The following DLGAP1 variants were observed in gnomAD, a reference collection of about 807,000 sequenced individuals.
DLGAP1 encodes DLG associated protein 1, also known as disks large-associated protein 1.
In DLGAP1, 11 loss-of-function variants were observed where a neutral mutation model predicts 90.8. The observed-to-expected ratio is 0.12, with a 90% CI of 0.08 to 0.20. DLGAP1 has a LOEUF of 0.20. DLGAP1 is among the 10% of genes least tolerant of loss of function. The pLI, the probability that DLGAP1 is intolerant of heterozygous loss-of-function variation, is 1.00. For missense variants in DLGAP1, 1,050 were observed against 1,333.8 expected (o/e 0.79, Z 3.31); for synonymous variants, 558 against 540.7 (o/e 1.03, Z -0.44).
intron 7 of DLGAP1, among the ~76,000 whole-genome samples, chr18:3,675,556 G>T (rs1246417003): frequency 6.6e-6 from 1 of 152,174 alleles, no homozygotes; most frequent in African/African-American, 2.4e-5. Flanking sequence ...AAGATCTGTT[G>T]CTAATAAGCT....
At chr18:4,399,578 A>G (rs2082509275) in intron 1 of DLGAP1, among the ~76,000 whole-genome samples, 1 of 152,214 alleles carries the variant, frequency 6.6e-6, no homozygotes, top group Admixed American at 6.5e-5. Flanking sequence ...GTCTTAGGAT[A>G]CCTTTTTCTC....
At chr18:4,132,895 TTAA>T (rs2076339090) in intron 2 of DLGAP1, among the ~76,000 whole-genome samples, 1 of 152,192 alleles carries the variant, frequency 6.6e-6, no homozygotes, top group African/African-American at 2.4e-5. Context: ...GTAAAGGTAA[TTAA>T]ATGTACTTGT....
chr18:3,860,151 G>A (rs1454552721), intron 4 of DLGAP1, among the ~76,000 whole-genome samples: 1 of 149,170 alleles, frequency 6.7e-6, no homozygotes, highest in African/African-American at 2.5e-5. Flanking sequence ...TAAATTGGGG[G>A]CATTTTGTTA....
chr18:4,201,744 C>T (rs1424315809), intron 1 of DLGAP1, among the ~76,000 whole-genome samples: 1 of 152,062 alleles, frequency 6.6e-6, no homozygotes, highest in African/African-American at 2.4e-5. Context: ...CACTAACCAT[C>T]AGGAAAATCC....
At chr18:4,163,408 A>G (rs1162173092) in intron 1 of DLGAP1, among the ~76,000 whole-genome samples, 2 of 152,336 alleles carry the variant, frequency 1.3e-5, no homozygotes, top group African/African-American at 4.8e-5. Flanking sequence ...AGTGCCTTAG[A>G]CGGCCCAGTG....
chr18:3,729,124 C>A lies in DLGAP1; in HGVS notation c.1591+11G>T. 6.3e-7 allele frequency: 1 copy of A among 1,596,782 alleles called. No homozygotes were observed. On this transcript the variant is annotated intron_variant, in intron 7 of 12. Coordinates refer to ENST00000315677, the MANE Select transcript of DLGAP1 (RefSeq NM_004746.4). This position sits in a 1 kb window ranked among gnomAD's most constrained non-coding sequence, Gnocchi z 6.2. ...ACAGGGGCCAGGCTGGCTGAGGGCC[C>A]GCGCACTCACCCGTGCTGCTCTGGA...
chr18:3,702,821 G>T (rs1475659624), intron 7 of DLGAP1, among the ~76,000 whole-genome samples: 1 of 152,162 alleles, frequency 6.6e-6, no homozygotes, highest in Non-Finnish European at 1.5e-5. Flanking sequence ...TGAGGAGAAT[G>T]ACAGGCTCGC....
intron 1 of DLGAP1, among the ~76,000 whole-genome samples, chr18:4,423,329 A>G (rs2083082776): frequency 6.6e-6 from 1 of 152,204 alleles, no homozygotes; most frequent in Non-Finnish European, 1.5e-5. Context: ...ATCTGCATTA[A>G]TATTAAGGTG....
At chr18:3,816,314 G>C (rs751951804) in intron 4 of DLGAP1, among the ~76,000 whole-genome samples, 1 of 152,160 alleles carries the variant, frequency 6.6e-6, no homozygotes, top group Non-Finnish European at 1.5e-5. Context: ...AAAGTGTTAA[G>C]AAAATTGTCC....
chr18:4,143,147 T>C (rs1230968769), intron 2 of DLGAP1, among the ~76,000 whole-genome samples: 1 of 151,902 alleles, frequency 6.6e-6, no homozygotes. Context: ...CTCAAGGCCC[T>C]AGGGCTCTAC....
intron 1 of DLGAP1, among the ~76,000 whole-genome samples, chr18:4,211,379 G>A (rs2077837186): frequency 6.6e-6 from 1 of 152,168 alleles, no homozygotes; most frequent in Non-Finnish European, 1.5e-5. Flanking sequence ...GGCTGAATAT[G>A]TATGAACTCT....
intron 2 of DLGAP1, among the ~76,000 whole-genome samples, chr18:4,093,909 C>G: frequency 6.6e-6 from 1 of 152,126 alleles, no homozygotes; most frequent in East Asian, 1.9e-4. Flanking sequence ...TGCTAATGTT[C>G]CCAGACTTTT....
intron 5 of DLGAP1, among the ~76,000 whole-genome samples, chr18:3,778,370 G>A (rs879297696): frequency 6.6e-6 from 1 of 152,100 alleles, no homozygotes; most frequent in Admixed American, 6.5e-5. Flanking sequence ...GAACCCAGGA[G>A]GCGGAGGTTG....
At chr18:4,327,145 C>A (rs1047327301) in intron 1 of DLGAP1, among the ~76,000 whole-genome samples, 5 of 152,020 alleles carry the variant, frequency 3.3e-5, no homozygotes, top group Admixed American at 2.0e-4. Flanking sequence ...AGATGTACTG[C>A]ACAGCATGTT....
In DLGAP1 at chr18:4,132,024, C is replaced by CT. The variant is rs371804578; in HGVS notation, c.-159+19155dup. Among the ~76,000 whole-genome samples the CT allele has an allele frequency of 1.7e-3, 259 of 149,750 alleles. 3 individuals are homozygous for CT. Among genetic ancestry groups the CT allele is most frequent in the Middle Eastern group, 6.8e-3 (2 of 292 alleles). ...AAGCGGTTGAAATGGTGTTTTATGACTTTTTTTTTTCCTGGCTTAACATTT... is the reference window on the plus strand; with the variant it reads ...AAGCGGTTGAAATGGTGTTTTATGACTTTTTTTTTTTCCTGGCTTAACATTT... On this transcript the variant is annotated intron_variant, in intron 2 of 12. Transcript: ENST00000315677.
chr18:3,653,429 TAATC>T lies in DLGAP1; in HGVS notation c.1592-71185_1592-71182del, dbSNP rs1389119620. 1 of 152,220 alleles carries T rather than the reference TAATC, an allele frequency of 6.6e-6. No individual in the cohort carries two copies. Among genetic ancestry groups the T allele is most frequent in the Non-Finnish European group, 1.5e-5 (1 of 68,032 alleles). The allele number at this position is 152,220 out of a possible 1,614,324, so 9.4% of individuals were successfully genotyped here. ...TCACTTATTTTTCCTCATTGCAAAA[TAATC>T]AAAGCATTGATGAGTGTTTCTGTTT... On this transcript the variant is annotated intron_variant, in intron 7 of 12. Coordinates refer to ENST00000315677, the MANE Select transcript of DLGAP1 (RefSeq NM_004746.4). The surrounding 1 kb of genome is among the most constrained non-coding windows in gnomAD (Gnocchi z 4.6).
intron 5 of DLGAP1, among the ~76,000 whole-genome samples, chr18:3,745,565 C>T (rs112685501): frequency 0.015 from 2,319 of 151,860 alleles, 40 homozygotes; most frequent in East Asian, 0.06. Flanking sequence ...AGAATCCACA[C>T]GAAAATTAAA....
intron 9 of DLGAP1, among the ~76,000 whole-genome samples, chr18:3,548,445 G>A (rs1192577500): frequency 6.7e-6 from 1 of 150,008 alleles, no homozygotes; most frequent in African/African-American, 2.5e-5. Flanking sequence ...TAAATAAAAA[G>A]GCATCTATAA....
intron 4 of DLGAP1, chr18:3,874,294 G>A (rs755617521): frequency 3.9e-6 from 6 of 1,545,550 alleles, no homozygotes; most frequent in Middle Eastern, 1.7e-4. Flanking sequence ...TCTCTCTCTC[G>A]CTCCCTCTGT....
Sources: gnomAD v4.1 joint callset for allele counts (sites outside exome capture counted in the v4.1 genomes callset) on GRCh38, gnomAD v4.1.1 for gene constraint, Gnocchi (gnomAD v3.1) non-coding constraint, MANE v1.5 for transcripts, NCBI Gene and HGNC (gene_info 2026-07-23, HGNC 2026-07-21) for gene names.